DCDC1: variants seen among roughly 807,000 people sequenced by gnomAD.
DCDC1 encodes the protein doublecortin domain-containing protein 1.
DCDC1 carries 200 observed loss-of-function variants against 178.3 expected under a neutral mutation model. That is an observed-to-expected ratio of 1.12 (90% confidence interval 1.00 to 1.26). DCDC1 has a LOEUF of 1.26. Ranked by LOEUF, DCDC1 falls within the 50% of genes most tolerant of loss-of-function variation. DCDC1 has a pLI of 0.00. For synonymous variants in DCDC1, 690 were observed against 604.8 expected, an observed-to-expected ratio of 1.14 and a Z score of -2.07; for missense variants, 1,983 against 1,749.2, an observed-to-expected ratio of 1.13 and a Z score of -2.38.
intron 20 of DCDC1, among the ~76,000 whole-genome samples, chr11:31,029,951 C>T (rs1483700191): frequency 6.6e-6 from 1 of 151,732 alleles, no homozygotes; most frequent in Non-Finnish European, 1.5e-5. Flanking sequence ...AAAGGAAGCC[C>T]CCCTCCATGT....
At chr11:30,970,603 A>T (rs192429886) in intron 20 of DCDC1, among the ~76,000 whole-genome samples, 1 of 152,278 alleles carries the variant, frequency 6.6e-6, no homozygotes, top group East Asian at 1.9e-4. Flanking sequence ...CAACAGAGGA[A>T]CTGTCACACA....
chr11:30,991,602 C>T (rs867162601), intron 20 of DCDC1, among the ~76,000 whole-genome samples: 6 of 152,132 alleles, frequency 3.9e-5, no homozygotes, highest in Middle Eastern at 3.2e-3. Context: ...TTACTCTAAA[C>T]GTAACTACAC....
intron 35 of DCDC1, 74 bp from the exon 36 acceptor site, chr11:30,893,071 T>C (rs2134057848): frequency 1.3e-6 from 2 of 1,509,594 alleles, no homozygotes; most frequent in South Asian, 2.5e-5. Flanking sequence ...TGTGATAAAA[T>C]CCAGATATAT....
At chr11:31,146,115 CAGACT>C (rs1056820787) in intron 9 of DCDC1, among the ~76,000 whole-genome samples, 3 of 151,154 alleles carry the variant, frequency 2.0e-5, no homozygotes, top group Admixed American at 2.0e-4. Flanking sequence ...CTCTGTTGCC[CAGACT>C]AGAGTGCAGT....
chr11:31,114,416 T>C (rs1287023472), intron 11 of DCDC1, among the ~76,000 whole-genome samples: 1 of 151,532 alleles, frequency 6.6e-6, no homozygotes, highest in African/African-American at 2.4e-5. Context: ...AAGGTGGTGC[T>C]ATGTAAAGGA....
intron 21 of DCDC1, among the ~76,000 whole-genome samples, chr11:30,945,170 T>A: frequency 6.6e-6 from 1 of 151,624 alleles, no homozygotes; most frequent in Non-Finnish European, 1.5e-5. Flanking sequence ...GGTTTCACTA[T>A]GTTGGTCAGG....
intron 20 of DCDC1, among the ~76,000 whole-genome samples, chr11:30,968,639 ATAT>A (rs1461397140): frequency 3.4e-5 from 5 of 145,494 alleles, no homozygotes; most frequent in African/African-American, 5.1e-5. Context: ...ATATGGTTTG[ATAT>A]TATCTGTGGT....
chr11:31,106,559 C>A (rs1457868429), intron 13 of DCDC1, among the ~76,000 whole-genome samples: 1 of 152,254 alleles, frequency 6.6e-6, no homozygotes, highest in Non-Finnish European at 1.5e-5. Flanking sequence ...TGCTGACAGG[C>A]AGACTTCAAG....
chr11:31,233,303 T>G (rs533451808), intron 9 of DCDC1, among the ~76,000 whole-genome samples: 98 of 152,346 alleles, frequency 6.4e-4, no homozygotes, highest in African/African-American at 2.3e-3. Context: ...CTTATTTTTA[T>G]ACTGATAAGC....
intron 35 of DCDC1, among the ~76,000 whole-genome samples, chr11:30,893,736 T>C (rs562972621): frequency 6.6e-6 from 1 of 152,340 alleles, no homozygotes; most frequent in East Asian, 1.9e-4. Flanking sequence ...AAGTTTTCCC[T>C]GGTCTCTCTC....
chr11:30,972,013 C>A (rs1020789500), intron 20 of DCDC1, among the ~76,000 whole-genome samples: 1 of 152,100 alleles, frequency 6.6e-6, no homozygotes, highest in Non-Finnish European at 1.5e-5. Flanking sequence ...ATTTGAATTT[C>A]CAGTGTCCCA....
intron 20 of DCDC1, among the ~76,000 whole-genome samples, chr11:31,042,407 A>G (rs1375295628): frequency 2.0e-5 from 3 of 152,220 alleles, no homozygotes; most frequent in Admixed American, 2.0e-4. Context: ...GAATAAACAA[A>G]TGCCAGCAAG....
chr11:31,196,309 C>T (rs1177503231), intron 9 of DCDC1, among the ~76,000 whole-genome samples: 6 of 152,030 alleles, frequency 3.9e-5, no homozygotes, highest in Non-Finnish European at 5.9e-5. Context: ...TGGACACCAA[C>T]TGGGTGTCCT....
intron 12 of DCDC1, among the ~76,000 whole-genome samples, chr11:31,109,694 C>A (rs1439211815): frequency 2.0e-5 from 3 of 152,098 alleles, no homozygotes; most frequent in African/African-American, 7.2e-5. Flanking sequence ...GGGTGCATAA[C>A]CCCAATTTGT....
rs539144780 is a variant in DCDC1, at chr11:30,866,762, A to T, written c.*41-1430T>A. Among the ~76,000 whole-genome samples, 83 of 152,054 alleles carry T rather than the reference A, an allele frequency of 5.5e-4. 1 individual carries two copies. The highest frequency in any genetic ancestry group is 9.0e-4 in the Non-Finnish European group (61 of 67,994). On this transcript the variant is annotated intron_variant, in intron 38 of 38. Coordinates refer to ENST00000684477, the MANE Select transcript of DCDC1 (RefSeq NM_001387274.1). ...CTTGTGGTACTTAATTATGGCACCTACTGTGGTCTGAATATGACTTCCAAA... is the reference window on the plus strand; with the variant it reads ...CTTGTGGTACTTAATTATGGCACCTTCTGTGGTCTGAATATGACTTCCAAA...
intron 1 of DCDC1, among the ~76,000 whole-genome samples, chr11:31,344,998 A>AT (rs1213765290): frequency 6.6e-6 from 1 of 152,102 alleles, no homozygotes; most frequent in Non-Finnish European, 1.5e-5. Context: ...TTATCAACAT[A>AT]TTTTTTCATA....
intron 20 of DCDC1, among the ~76,000 whole-genome samples, chr11:31,018,450 C>T (rs1952638926): frequency 6.6e-6 from 1 of 152,180 alleles, no homozygotes; most frequent in Non-Finnish European, 1.5e-5. Flanking sequence ...TACTAAGCTC[C>T]TAAGCGCCAG....
intron 9 of DCDC1, among the ~76,000 whole-genome samples, chr11:31,191,938 C>T (rs1970178672): frequency 6.6e-6 from 1 of 151,996 alleles, no homozygotes. Flanking sequence ...ATATTTTAAA[C>T]TTCATTGTAT....
At chr11:31,138,280 AAACAGTTAC>A (rs1276780462) in intron 9 of DCDC1, among the ~76,000 whole-genome samples, 1 of 152,212 alleles carries the variant, frequency 6.6e-6, no homozygotes, top group Non-Finnish European at 1.5e-5. Flanking sequence ...CTAAATACAT[AAACAGTTAC>A]TTTGAACCTG....
Sources: gnomAD v4.1 joint callset for allele counts (sites outside exome capture counted in the v4.1 genomes callset) on GRCh38, gnomAD v4.1.1 for gene constraint, MANE v1.5 for transcripts, NCBI Gene and HGNC (gene_info 2026-07-23, HGNC 2026-07-21) for gene names.